Variants in SIK3 observed in about 807,000 individuals in gnomAD.
SIK3 encodes the protein serine/threonine-protein kinase SIK3.
SIK3 carries 28 observed loss-of-function variants against 144.2 expected under a neutral mutation model. That is an observed-to-expected ratio of 0.19 (90% CI 0.14 to 0.27). The LOEUF (loss-of-function observed/expected upper bound fraction) is 0.27. Ranked by LOEUF, SIK3 falls within the 10% of genes least tolerant of loss-of-function variation. The probability of loss-of-function intolerance (pLI) is 1.00; values close to 1 mark genes in which losing one functional copy is unlikely to be tolerated. For missense variants in SIK3, 1,319 were observed against 1,776.0 expected, an observed-to-expected ratio of 0.74 and a Z score of 4.62; for synonymous variants, 686 against 676.3, an observed-to-expected ratio of 1.01 and a Z score of -0.22.
chr11:116,901,715 A>C (rs940560883), intron 4 of SIK3, among the ~76,000 whole-genome samples: 4 of 152,124 alleles, frequency 2.6e-5, no homozygotes, highest in Non-Finnish European at 4.4e-5. Flanking sequence ...TCCTTACCTT[A>C]TTCTTCTCTC....
intron 4 of SIK3, 111 bp from the exon 5 acceptor site, chr11:116,897,428 C>A (rs967566217): frequency 2.6e-5 from 25 of 972,906 alleles, no homozygotes; most frequent in Non-Finnish European, 3.2e-5. Flanking sequence ...ATATTAAATG[C>A]AAAAAGAGAA....
intron 1 of SIK3, among the ~76,000 whole-genome samples, chr11:116,973,150 G>A (rs1035232412): frequency 2.6e-5 from 4 of 152,164 alleles, no homozygotes; most frequent in Non-Finnish European, 5.9e-5. Flanking sequence ...TGAGCAGAGG[G>A]CTCAGCTAAG....
intron 1 of SIK3, among the ~76,000 whole-genome samples, chr11:117,005,336 GAAAAAAA>G (rs35279676): frequency 0.075 from 4,191 of 55,934 alleles, 65 homozygotes; most frequent in Non-Finnish European, 0.1. Flanking sequence ...CCCCGTCTCA[GAAAAAAA>G]AAAAAAAAAA....
chr11:116,994,306 G>A, intron 1 of SIK3, among the ~76,000 whole-genome samples: 1 of 152,188 alleles, frequency 6.6e-6, no homozygotes, highest in East Asian at 1.9e-4. Context: ...TAAGGAGATA[G>A]GGAATTAGCA....
chr11:117,085,132 T>C (rs1954950213), intron 1 of SIK3, among the ~76,000 whole-genome samples: 1 of 152,100 alleles, frequency 6.6e-6, no homozygotes, highest in Non-Finnish European at 1.5e-5. Context: ...CTTTCCTTTT[T>C]AGAGACAGGG....
At chr11:117,050,423 T>A (rs989302782) in intron 1 of SIK3, among the ~76,000 whole-genome samples, 3 of 152,010 alleles carry the variant, frequency 2.0e-5, no homozygotes, top group African/African-American at 7.2e-5. Flanking sequence ...TGGTGGCTCA[T>A]GCCTGTAATC....
intron 1 of SIK3, among the ~76,000 whole-genome samples, chr11:116,987,321 T>TAA (rs35342917): frequency 0.46 from 62,911 of 136,796 alleles, 16,185 homozygotes; most frequent in Non-Finnish European, 0.62. Flanking sequence ...CATAAAAGAT[T>TAA]AAAAAAAAAA....
chr11:116,859,745 G>A, intron 19 of SIK3, 141 bp from the exon 20 acceptor site: 1 of 703,390 alleles, frequency 1.4e-6, no homozygotes, highest in Non-Finnish European at 2.4e-6. Flanking sequence ...GACAAGTCTG[G>A]AGAACTTGTT....
chr11:117,073,346 A>G (rs1954363232), intron 1 of SIK3, among the ~76,000 whole-genome samples: 1 of 151,870 alleles, frequency 6.6e-6, no homozygotes, highest in South Asian at 2.1e-4. Flanking sequence ...ACTCATCCAT[A>G]CTCATACTTT....
Position 117,006,672 on chromosome 11 carries a change from T to C in SIK3, c.274-49608A>G, listed in dbSNP as rs187781637. Among the ~76,000 whole-genome samples the C allele has an allele frequency of 1.5e-4, 23 of 151,980 alleles. No homozygotes were observed. The East Asian group carries it at 3.7e-3, about 24-fold the overall frequency. On this transcript the variant is annotated intron_variant, in intron 1 of 24. Transcript: ENST00000445177. Reference sequence around the variant, plus strand: ...AAGAAAGAAAGAAAGAAAAAAAAGATCTTCACAAACAATTTTAAATGGTAA... The same window carrying C: ...AAGAAAGAAAGAAAGAAAAAAAAGACCTTCACAAACAATTTTAAATGGTAA...
chr11:116,852,539 C>A (rs1160998951), intron 21 of SIK3, among the ~76,000 whole-genome samples: 1 of 152,228 alleles, frequency 6.6e-6, no homozygotes, highest in Non-Finnish European at 1.5e-5. Context: ...TCTTGCTTTG[C>A]TGGGTCTTAG....
rs1454718626 is a variant in SIK3, at chr11:116,843,423, T to C, written c.*2220A>G. The C allele has an allele frequency of 1.4e-5, 2 of 144,454 alleles. No individual in the cohort carries two copies. Among genetic ancestry groups the C allele is most frequent in the Admixed American group, 6.7e-5 (1 of 14,882 alleles). 8.9% of individuals were successfully genotyped at this position (144,454 alleles called of 1,614,324 possible). On this transcript the variant is annotated 3_prime_UTR_variant, in exon 25 of 25. Coordinates refer to ENST00000445177, the MANE Select transcript of SIK3 (RefSeq NM_001366686.3). The stretch of plus-strand genomic sequence containing the variant: ...GGTCTTAGCAACTTGAGTCTGGAGA[T>C]TTTTTTTTTAATCCTTTTTAGTTCA...
chr11:117,012,972 C>A (rs1369300801), intron 1 of SIK3, among the ~76,000 whole-genome samples: 3 of 151,518 alleles, frequency 2.0e-5, no homozygotes, highest in African/African-American at 7.3e-5. Context: ...CTGCCTCAGC[C>A]TCCCGAGTAG....
In SIK3 at chr11:116,923,207, C is replaced by T. The variant is rs552559650; in HGVS notation, c.616+4012G>A. On this transcript the variant is annotated intron_variant, in intron 4 of 24. Coordinates refer to ENST00000445177, the MANE Select transcript of SIK3 (RefSeq NM_001366686.3). ...CTGGGATTACAGGCATGAGCCACTG[C>T]GCCCAGCCAAGACTAACTTCTTAAA... Among the ~76,000 whole-genome samples the T allele has an allele frequency of 7.9e-5, 12 of 152,244 alleles. No individual in the cohort carries two copies. In the South Asian group the frequency reaches 1.0e-3, roughly 13 times the overall value.
intron 6 of SIK3, among the ~76,000 whole-genome samples, chr11:116,883,897 G>A (rs1944673988): frequency 6.6e-6 from 1 of 151,862 alleles, no homozygotes. Context: ...TTGTGCCACT[G>A]CATTCCAGCC....
chr11:116,851,204 AGCCTGGGACTTG>A (rs1942406151), intron 21 of SIK3, among the ~76,000 whole-genome samples: 2 of 152,166 alleles, frequency 1.3e-5, no homozygotes, highest in Admixed American at 1.3e-4. Context: ...AGTCTTTAAA[AGCCTGGGACTTG>A]AAAATAAGTT....
chr11:116,932,551 T>C (rs1348282561), intron 3 of SIK3, among the ~76,000 whole-genome samples: 1 of 152,188 alleles, frequency 6.6e-6, no homozygotes, highest in Non-Finnish European at 1.5e-5. Context: ...TATGCCTGCA[T>C]GTGTAAACGG....
intron 4 of SIK3, among the ~76,000 whole-genome samples, chr11:116,910,411 A>AT (rs527856977): frequency 2.8e-4 from 42 of 151,198 alleles, no homozygotes; most frequent in African/African-American, 9.2e-4. Flanking sequence ...AACTCTCCCC[A>AT]TTTTTTTTTA....
At chr11:116,913,286 C>T (rs1946440842) in intron 4 of SIK3, among the ~76,000 whole-genome samples, 1 of 151,612 alleles carries the variant, frequency 6.6e-6, no homozygotes, top group African/African-American at 2.4e-5. Context: ...AGAGAAAATT[C>T]CTTCAAGGAA....
Sources: allele counts gnomAD v4.1 joint callset (sites outside exome capture counted in the v4.1 genomes callset), GRCh38; gene constraint gnomAD v4.1.1; transcripts MANE v1.5; gene names NCBI Gene and HGNC (gene_info 2026-07-23, HGNC 2026-07-21).